The following SRPK2 variants were observed in gnomAD, a reference collection of about 807,000 sequenced individuals.
The protein encoded by SRPK2 is SRSF protein kinase 2.
Under a neutral mutation model 90.8 loss-of-function variants are expected in SRPK2, and 21 were observed. The observed-to-expected ratio is 0.23, with a 90% CI of 0.16 to 0.33. The LOEUF is 0.33. SRPK2 is among the 10% of genes least tolerant of loss of function. The probability of loss-of-function intolerance (pLI) is 1.00; values close to 1 mark genes in which losing one functional copy is unlikely to be tolerated. For missense variants in SRPK2, 620 were observed against 869.0 expected (o/e 0.71, Z 3.60); for synonymous variants, 288 against 311.1 (o/e 0.93, Z 0.78).
intron 2 of SRPK2, among the ~76,000 whole-genome samples, chr7:105,300,228 G>A (rs923063706): frequency 7.2e-6 from 1 of 139,764 alleles, no homozygotes; most frequent in African/African-American, 2.7e-5. Context: ...ACTCCAGACT[G>A]GGCAAGAGAC....
At chr7:105,190,412 C>G (rs1794130908) in intron 3 of SRPK2, among the ~76,000 whole-genome samples, 1 of 152,168 alleles carries the variant, frequency 6.6e-6, no homozygotes, top group African/African-American at 2.4e-5. Flanking sequence ...ATGTCTGTTT[C>G]TTGTACGTGT....
At chr7:105,369,125 T>TTTATTATTATTA (rs10593124) in intron 2 of SRPK2, among the ~76,000 whole-genome samples, 1,525 of 143,306 alleles carry the variant, frequency 0.011, 10 homozygotes, top group East Asian at 0.026. Flanking sequence ...CAAGATTTAT[T>TTTATTATTATTA]TTATTATTAT....
At position 105,126,268 on chromosome 7, in the gene SRPK2, C is replaced by T. The variant is rs375304054; in HGVS notation, c.1895G>A (p.Arg632Gln). The T allele has an allele frequency of 9.9e-6, 16 of 1,613,646 alleles. No individual in the cohort carries two copies. Among genetic ancestry groups the T allele is most frequent in the African/African-American group, 2.7e-5 (2 of 74,824 alleles). ...ACTACCTCTGCGATTGAAGAATTCC[C>T]GAGAATATTTTCCAGATAGAGCAAA... ...RHFALSGKYS[R>Q]EFFNRRGELR... Residue 632 changes from arginine to glutamine, a missense_variant, in exon 15 of 16, where the codon CGG becomes CAG. Coordinates refer to ENST00000393651, the MANE Select transcript of SRPK2 (RefSeq NM_182692.3).
chr7:105,187,038 G>A (rs578168759), intron 3 of SRPK2, among the ~76,000 whole-genome samples: 2 of 152,254 alleles, frequency 1.3e-5, no homozygotes, highest in African/African-American at 4.8e-5. Context: ...TGAAGCAATG[G>A]GCAAGCCATC....
intron 1 of SRPK2, among the ~76,000 whole-genome samples, chr7:105,395,260 C>T (rs1230796866): frequency 6.6e-6 from 1 of 151,874 alleles, no homozygotes; most frequent in Non-Finnish European, 1.5e-5. Context: ...AAGTCCAAAG[C>T]AAGAGGATTG....
chr7:105,298,746 T>C (rs750935673), intron 2 of SRPK2: 9 of 985,518 alleles, frequency 9.1e-6, no homozygotes, highest in Non-Finnish European at 1.1e-5. Flanking sequence ...ACGTTAGCAG[T>C]AGGAGACAGC....
intron 2 of SRPK2, among the ~76,000 whole-genome samples, chr7:105,284,349 C>A (rs990309903): frequency 3.9e-5 from 6 of 152,132 alleles, no homozygotes; most frequent in Admixed American, 3.9e-4. Flanking sequence ...CTCTCGTGTA[C>A]GCCATCTTAG....
intron 3 of SRPK2, among the ~76,000 whole-genome samples, chr7:105,191,045 AT>A (rs1236293554): frequency 1.2e-4 from 18 of 152,356 alleles, no homozygotes; most frequent in African/African-American, 3.8e-4. Flanking sequence ...ACAATATAAG[AT>A]ACAAAATTAG....
intron 11 of SRPK2, among the ~76,000 whole-genome samples, chr7:105,133,702 C>A (rs1334057068): frequency 1.3e-5 from 2 of 152,216 alleles, no homozygotes; most frequent in Non-Finnish European, 2.9e-5. Flanking sequence ...AAGGCAGGGA[C>A]TAAACTATTC....
intron 2 of SRPK2, among the ~76,000 whole-genome samples, chr7:105,261,213 T>G (rs892260131): frequency 1.3e-5 from 2 of 152,258 alleles, no homozygotes; most frequent in South Asian, 4.1e-4. Flanking sequence ...CAATAAGCTG[T>G]GCGCTTTTAT....
At chr7:105,386,350 G>A (rs1482638854) in intron 2 of SRPK2, among the ~76,000 whole-genome samples, 3 of 147,632 alleles carry the variant, frequency 2.0e-5, no homozygotes, top group East Asian at 2.0e-4. Flanking sequence ...CACCATCTCC[G>A]AAGACAGACA....
chr7:105,185,891 A>G (rs1793514865), intron 3 of SRPK2, among the ~76,000 whole-genome samples: 1 of 152,224 alleles, frequency 6.6e-6, no homozygotes, highest in Non-Finnish European at 1.5e-5. Flanking sequence ...CTTATAATCC[A>G]TGCCAGACAA....
chr7:105,268,922 G>C, intron 2 of SRPK2: 1 of 1,543,254 alleles, frequency 6.5e-7, no homozygotes. Context: ...TTGCTTTCAA[G>C]CCTTATATCA....
intron 2 of SRPK2, among the ~76,000 whole-genome samples, chr7:105,325,114 C>T (rs764808586): frequency 2.6e-5 from 4 of 152,122 alleles, no homozygotes; most frequent in Non-Finnish European, 5.9e-5. Flanking sequence ...AACATACTAA[C>T]TTAATAATCA....
chr7:105,254,050 G>A (rs1486786793), intron 2 of SRPK2, among the ~76,000 whole-genome samples: 2 of 152,168 alleles, frequency 1.3e-5, no homozygotes, highest in African/African-American at 4.8e-5. Flanking sequence ...TTTTCTCAGT[G>A]ACTATGTCAC....
At chr7:105,232,458 T>TAAAAAAAAAAAAAAAAAAA (rs10533429) in intron 2 of SRPK2, among the ~76,000 whole-genome samples, 3 of 132,096 alleles carry the variant, frequency 2.3e-5, no homozygotes, top group African/African-American at 8.5e-5. Context: ...AAACCTTATC[T>TAAAAAAAAAAAAAAAAAAA]AAAAAAAAAA....
rs1014686964 is a variant in SRPK2 at position 105,244,918 on chromosome 7, A to T, written c.72-41133T>A. ...ATCCGCGCCAAGAGGAAGCGGGAGG[A>T]GCAAAGCAACGTCCTGGCCGCCATG... On this transcript the variant is annotated intron_variant, in intron 2 of 15. Coordinates refer to ENST00000393651, the MANE Select transcript of SRPK2 (RefSeq NM_182692.3). 4 of 1,485,628 alleles carry T rather than the reference A, an allele frequency of 2.7e-6. No individual in the cohort carries two copies. In the African/African-American group the frequency reaches 5.5e-5, roughly 21 times the overall value. 92.0% of individuals were successfully genotyped at this position (1,485,628 alleles called of 1,614,324 possible).
intron 2 of SRPK2, among the ~76,000 whole-genome samples, chr7:105,385,884 T>C (rs995790806): frequency 1.3e-5 from 2 of 152,238 alleles, no homozygotes; most frequent in Admixed American, 1.3e-4. Flanking sequence ...AAATGTCATC[T>C]ATTATTATTA....
intron 3 of SRPK2, among the ~76,000 whole-genome samples, chr7:105,178,419 C>G (rs1028700511): frequency 6.6e-6 from 1 of 152,174 alleles, no homozygotes; most frequent in Non-Finnish European, 1.5e-5. Flanking sequence ...TCTGTTATTA[C>G]AGTCAAATAT....
Sources: gnomAD v4.1 joint callset for allele counts (sites outside exome capture counted in the v4.1 genomes callset) on GRCh38, gnomAD v4.1.1 for gene constraint, MANE v1.5 for transcripts, NCBI Gene and HGNC (gene_info 2026-07-23, HGNC 2026-07-21) for gene names.